Variants in WDR64 observed in about 807,000 individuals in gnomAD.
WDR64 encodes the protein WD repeat domain 64, also known as WD repeat-containing protein 64.
A neutral mutation model predicts 139.3 loss-of-function variants in WDR64; 112 were observed. That is an observed-to-expected ratio of 0.80 (90% CI 0.69 to 0.94). The LOEUF (loss-of-function observed/expected upper bound fraction) is 0.94. WDR64 is among the 40% of genes least tolerant of loss of function. WDR64 has a pLI of 0.00. For synonymous variants in WDR64, 444 were observed against 437.7 expected, an observed-to-expected ratio of 1.01 and a Z score of -0.18; for missense variants, 1,206 against 1,293.1, an observed-to-expected ratio of 0.93 and a Z score of 1.03.
intron 21 of WDR64, among the ~76,000 whole-genome samples, chr1:241,775,744 A>G (rs1046089851): frequency 6.6e-6 from 1 of 152,032 alleles, no homozygotes; most frequent in Non-Finnish European, 1.5e-5. Flanking sequence ...TTTCTCCTAT[A>G]CTTTGAAAGA....
At chr1:241,708,718 T>TTTTTTTTTTTTTTTC (rs1668056438) in intron 8 of WDR64, among the ~76,000 whole-genome samples, 1 of 146,070 alleles carries the variant, frequency 6.8e-6, no homozygotes, top group African/African-American at 2.6e-5. Context: ...TTTTGTTTTT[T>TTTTTTTTTTTTTTTC]TTTTTAAGGA....
At chr1:241,722,634 A>G (rs56332549) in intron 9 of WDR64, among the ~76,000 whole-genome samples, 23,306 of 152,162 alleles carry the variant, frequency 0.15, 2,146 homozygotes, top group Middle Eastern at 0.34. Context: ...GTGGGTATAA[A>G]TATGTATCTA....
Position 241,652,389 on chromosome 1 carries a change from G to T in WDR64, c.-96G>T, listed in dbSNP as rs12120410. ...GAATTAGACCTAGGGCAAAAACTGA[G>T]ACAGCAGGGAGGCACTGTAACAACT... On this transcript the variant is annotated 5_prime_UTR_variant, in exon 1 of 28. Transcript: ENST00000437684. 3 of 1,314,534 alleles carry T rather than the reference G, an allele frequency of 2.3e-6. No homozygotes were observed. In the East Asian group the frequency reaches 7.6e-5, roughly 33 times the overall value. 81.4% of individuals were successfully genotyped at this position (1,314,534 alleles called of 1,614,324 possible).
At chr1:241,770,358 G>T in intron 17 of WDR64, 3 of 320,914 alleles carry the variant, frequency 9.3e-6, no homozygotes, top group Non-Finnish European at 1.7e-5. Flanking sequence ...TCTAGCCTTT[G>T]CAGTGGGATA....
At chr1:241,661,679 T>G (rs540179304) in intron 2 of WDR64, among the ~76,000 whole-genome samples, 95 of 152,222 alleles carry the variant, frequency 6.2e-4, no homozygotes, top group Admixed American at 1.1e-3. Flanking sequence ...AATCCTGCAG[T>G]GCAGGATTCA....
chr1:241,802,701 G>A lies in WDR64; in HGVS notation c.*1486G>A, dbSNP rs927783025. 1.3e-5 allele frequency among the ~76,000 whole-genome samples: 2 copies of A among 152,076 alleles called. No homozygotes were observed. Among genetic ancestry groups the A allele is most frequent in the Admixed American group, 1.3e-4 (2 of 15,274 alleles). On this transcript the variant is annotated 3_prime_UTR_variant, in exon 28 of 28. Transcript: ENST00000437684. The stretch of plus-strand genomic sequence containing the variant: ...GACTGATAGATGGATATGTGTTAGA[G>A]CATATCTAAAACCACATTAATTATG...
At chr1:241,663,598 C>T (rs6670112) in intron 2 of WDR64, among the ~76,000 whole-genome samples, 1 of 152,210 alleles carries the variant, frequency 6.6e-6, no homozygotes, top group African/African-American at 2.4e-5. Context: ...TTGTTATGGA[C>T]CCCTGGTAGA....
At position 241,723,319 on chromosome 1, in the gene WDR64, G is replaced by T; in HGVS notation, c.1077G>T (p.Leu359Phe). The T allele has an allele frequency of 6.2e-7, 1 of 1,613,960 alleles. No individual in the cohort carries two copies. Among genetic ancestry groups the T allele is most frequent in the Non-Finnish European group, 8.5e-7 (1 of 1,179,890 alleles). Residue 359 changes from leucine (L) to phenylalanine (F), a missense_variant, in exon 10 of 28, where the codon TTG becomes TTT. Physicochemically the swap from Leu to Phe is conservative, Grantham distance 22. Transcript: ENST00000437684. Reference protein sequence around the residue: ...VTGGDDKVIRLWHPNISTKPV... With the variant: ...VTGGDDKVIRFWHPNISTKPV... Reference sequence around the variant, plus strand: ...CAGGAGATGATAAGGTCATCCGGTTGTGGCACCCCAATATCAGCACCAAGC... The same window carrying T: ...CAGGAGATGATAAGGTCATCCGGTTTTGGCACCCCAATATCAGCACCAAGC...
chr1:241,776,204 G>A (rs1298589280), intron 21 of WDR64, among the ~76,000 whole-genome samples: 1 of 151,772 alleles, frequency 6.6e-6, no homozygotes, highest in Admixed American at 6.6e-5. Flanking sequence ...TCAGCCTCCC[G>A]AGTAGCTGGG....
chr1:241,771,037 G>A (rs927736672), intron 18 of WDR64, among the ~76,000 whole-genome samples: 2 of 152,082 alleles, frequency 1.3e-5, no homozygotes, highest in Non-Finnish European at 2.9e-5. Context: ...GTACTCTTTT[G>A]CTAAAAAGTA....
In WDR64 at chr1:241,669,987, C is replaced by A. The variant is rs141312056; in HGVS notation, c.277-1087C>A. Among the ~76,000 whole-genome samples, 383 of 152,166 alleles carry A rather than the reference C, an allele frequency of 2.5e-3. 2 individuals are homozygous for A. The highest frequency in any genetic ancestry group is 0.024 in the Middle Eastern group (7 of 292). ...TGCACAGTGAAATTTCAAAAGGATT[C>A]CTCAGTTCATTTCGTGCATTCAACT... On this transcript the variant is annotated intron_variant, in intron 2 of 27. Coordinates refer to ENST00000437684, the MANE Select transcript of WDR64 (RefSeq NM_001367482.1).
intron 10 of WDR64, among the ~76,000 whole-genome samples, chr1:241,736,118 T>C (rs570921631): frequency 6.6e-6 from 1 of 152,248 alleles, no homozygotes; most frequent in South Asian, 2.1e-4. Context: ...CTGCTACCTC[T>C]GCTGTGGAGC....
chr1:241,769,472 T>A lies in WDR64; in HGVS notation c.2150T>A (p.Ile717Lys), dbSNP rs1237323170. ...LHPKHFKIND[I>K]LFLFRTPECA... is the part of the protein sequence containing the mutation. ...CCCAAGCACTTTAAAATTAATGACA[T>A]ACTGTTCCTCTTTCGTACCCCTGAA... Residue 717 changes from isoleucine to lysine, a missense_variant, in exon 17 of 28, where the codon ATA (isoleucine) becomes AAA (lysine). By Grantham distance (102) the Ile-to-Lys change is moderately radical. Transcript: ENST00000437684. 2 of 1,551,430 alleles carry A rather than the reference T, an allele frequency of 1.3e-6. No individual in the cohort carries two copies. Among genetic ancestry groups the A allele is most frequent in the Non-Finnish European group, 1.7e-6 (2 of 1,146,974 alleles).
rs1668821306 is a variant in WDR64, at chr1:241,726,031, TG to T, written c.1194+2596del. Among the ~76,000 whole-genome samples, 4 of 140,700 alleles carry T rather than the reference TG, an allele frequency of 2.8e-5. No individual in the cohort carries two copies. In the Admixed American group the frequency reaches 2.9e-4, roughly 10 times the overall value. 92.3% of individuals were successfully genotyped at this position (140,700 alleles called of 152,430 possible). A position where few individuals can be genotyped will look rare whatever the true frequency, so the allele number is the denominator to read the frequency against. On this transcript the variant is annotated intron_variant, in intron 10 of 27. Transcript: ENST00000437684. ...TACGAAGCTAATTATTTTTATTTTTTGTAGAGAGCTCTCTTTTTTTTTTTTT... is the reference window on the plus strand; with the variant it reads ...TACGAAGCTAATTATTTTTATTTTTTTAGAGAGCTCTCTTTTTTTTTTTTT...
At chr1:241,679,637 T>C (rs1300839621) in intron 6 of WDR64, 42 bp downstream of exon 6, 2 of 1,502,732 alleles carry the variant, frequency 1.3e-6, no homozygotes, top group Non-Finnish European at 1.8e-6. Context: ...GAGATTGTCT[T>C]TTCAGTAGTG....
At chr1:241,695,861 C>G (rs1667462132) in intron 8 of WDR64, among the ~76,000 whole-genome samples, 2 of 151,920 alleles carry the variant, frequency 1.3e-5, no homozygotes, top group African/African-American at 4.8e-5. Context: ...AGCCTGTAAT[C>G]CCAGCACTTT....
intron 8 of WDR64, among the ~76,000 whole-genome samples, chr1:241,709,014 A>G (rs916243562): frequency 6.6e-6 from 1 of 152,188 alleles, no homozygotes. Context: ...AAAGTAATTT[A>G]ATTGGAAAAG....
intron 2 of WDR64, among the ~76,000 whole-genome samples, chr1:241,666,784 A>G (rs6413960): frequency 0.52 from 79,060 of 152,096 alleles, 21,749 homozygotes; most frequent in Non-Finnish European, 0.62. Flanking sequence ...AAGCAATCTA[A>G]TCATGCACTT....
At chr1:241,796,572 A>G (rs1659371259) in intron 27 of WDR64, among the ~76,000 whole-genome samples, 1 of 151,478 alleles carries the variant, frequency 6.6e-6, no homozygotes, top group Non-Finnish European at 1.5e-5. Flanking sequence ...AGCTCACTGC[A>G]ACCTCCGCCT....
Sources: gnomAD v4.1 joint callset for allele counts (sites outside exome capture counted in the v4.1 genomes callset) on GRCh38, gnomAD v4.1.1 for gene constraint, MANE v1.5 for transcripts, NCBI Gene and HGNC (gene_info 2026-07-23, HGNC 2026-07-21) for gene names.